Variants in HDAC4 observed in about 807,000 individuals in gnomAD.
HDAC4 encodes histone deacetylase A.
HDAC4 carries 16 observed loss-of-function variants against 135.1 expected under a neutral mutation model. The ratio of observed to expected loss-of-function variants is 0.12; its 90% CI spans 0.08 to 0.18. HDAC4 has a LOEUF of 0.18. HDAC4 is among the 10% of genes least tolerant of loss of function. The pLI is 1.00. For synonymous variants in HDAC4, 685 were observed against 653.4 expected (o/e 1.05, Z -0.74); for missense variants, 1,143 against 1,511.8 (o/e 0.76, Z 4.05).
At position 239,303,995 on chromosome 2, in the gene HDAC4, C is replaced by A. The variant is rs572927759; in HGVS notation, c.22+48683G>T. Among the ~76,000 whole-genome samples, 2 of 152,322 alleles carry A rather than the reference C, an allele frequency of 1.3e-5. No individual in the cohort carries two copies. Among genetic ancestry groups the A allele is most frequent in the South Asian group, 4.1e-4 (2 of 4,828 alleles). On this transcript the variant is annotated intron_variant, in intron 2 of 26. Transcript: ENST00000543185. The surrounding 1 kb of genome is among the most constrained non-coding windows in gnomAD (Gnocchi z 5.1). Reference sequence around the variant, plus strand: ...CTCAGCCCGCCAGGTCCTCTCGAGCCCCTGGAGTGCCCTGTGAGCCACAGC... The same window carrying A: ...CTCAGCCCGCCAGGTCCTCTCGAGCACCTGGAGTGCCCTGTGAGCCACAGC...
chr2:239,230,566 C>G (rs936239687), intron 3 of HDAC4, among the ~76,000 whole-genome samples: 1 of 152,096 alleles, frequency 6.6e-6, no homozygotes, highest in South Asian at 2.1e-4. Flanking sequence ...GAGGCCGCCA[C>G]GGCCTCTCTT....
At position 239,066,734 on chromosome 2, in the gene HDAC4, C is replaced by T; in HGVS notation, c.2991G>A (p.Leu997=). The T allele has an allele frequency of 6.2e-7, 1 of 1,614,012 alleles. No individual in the cohort carries two copies. Among genetic ancestry groups the T allele is most frequent in the Non-Finnish European group, 8.5e-7 (1 of 1,180,042 alleles). ...CDASEACVSA[L]LGNELDPLPE... ...GGGGTCTTCCTACCTCGTTTCCCAG[C>T]AAGGCAGAAACACATGCTTCCGAGG... Residue 997 remains leucine (L), a synonymous_variant, in exon 24 of 27, where the codon TTG becomes TTA. Coordinates refer to ENST00000543185, the MANE Select transcript of HDAC4 (RefSeq NM_001378414.1).
At chr2:239,194,961 C>G (rs3791574) in intron 3 of HDAC4, among the ~76,000 whole-genome samples, 2,713 of 152,284 alleles carry the variant, frequency 0.018, 68 homozygotes, top group East Asian at 0.12. Flanking sequence ...GTGCGCGTCT[C>G]CCTACGGACA....
intron 14 of HDAC4, among the ~76,000 whole-genome samples, chr2:239,111,074 C>T (rs2152797469): frequency 6.6e-6 from 1 of 152,370 alleles, no homozygotes; most frequent in South Asian, 2.1e-4. Flanking sequence ...GTCCCGGGCT[C>T]TGCTCTCGTG....
At chr2:239,125,674 A>T (rs967579000) in intron 12 of HDAC4, among the ~76,000 whole-genome samples, 4 of 152,094 alleles carry the variant, frequency 2.6e-5, no homozygotes, top group Admixed American at 6.5e-5. Flanking sequence ...CTCATCTCTT[A>T]CCTTAAAGAT....
intron 2 of HDAC4, among the ~76,000 whole-genome samples, chr2:239,263,739 C>G (rs968438043): frequency 6.6e-6 from 1 of 152,182 alleles, no homozygotes; most frequent in Non-Finnish European, 1.5e-5. Context: ...CTGAGAGACA[C>G]GGGGGCACCG....
intron 2 of HDAC4, among the ~76,000 whole-genome samples, chr2:239,311,092 CAGGCACCTAAA>C (rs1272219636): frequency 6.6e-5 from 10 of 152,212 alleles, no homozygotes; most frequent in Non-Finnish European, 1.3e-4. Context: ...CCAGCATTAA[CAGGCACCTAAA>C]AGGCCTGTGA....
chr2:239,359,066 TAA>T (rs371856046), intron 1 of HDAC4, among the ~76,000 whole-genome samples: 1 of 151,510 alleles, frequency 6.6e-6, no homozygotes, highest in Middle Eastern at 3.4e-3. Flanking sequence ...ATATTTTAAG[TAA>T]AAAAAAAGTG....
Position 239,191,225 on chromosome 2 carries a change from G to A in HDAC4, c.95-1148C>T, listed in dbSNP as rs148462901. Among the ~76,000 whole-genome samples the A allele has an allele frequency of 1.2e-3, 176 of 152,310 alleles. 1 individual carries two copies. In the East Asian group the frequency reaches 0.029, roughly 25 times the overall value. ...AGAGGGGTGTCTGGGCCAACAAGAG[G>A]GCTGCTGAGAAAACAGCTCCTCGCC... On this transcript the variant is annotated intron_variant, in intron 3 of 26. Transcript: ENST00000543185.
intron 24 of HDAC4, among the ~76,000 whole-genome samples, chr2:239,060,587 C>G (rs1310929923): frequency 2.6e-5 from 4 of 152,194 alleles, no homozygotes; most frequent in African/African-American, 9.6e-5. Flanking sequence ...AGGTCAAGGG[C>G]AACAATGCCA....
chr2:239,095,285 G>A (rs1233819534), intron 16 of HDAC4, among the ~76,000 whole-genome samples: 2 of 152,192 alleles, frequency 1.3e-5, no homozygotes, highest in African/African-American at 4.8e-5. Flanking sequence ...ACCCTGGTGG[G>A]GACACCTCAA....
intron 24 of HDAC4, among the ~76,000 whole-genome samples, chr2:239,059,844 A>T (rs2032411939): frequency 6.6e-6 from 1 of 151,986 alleles, no homozygotes; most frequent in Non-Finnish European, 1.5e-5. Flanking sequence ...CCTGCAGGAC[A>T]GTCCTCTGGG....
intron 7 of HDAC4, among the ~76,000 whole-genome samples, chr2:239,150,979 G>T (rs1037659904): frequency 4.6e-5 from 7 of 152,262 alleles, no homozygotes; most frequent in African/African-American, 1.7e-4. Flanking sequence ...AGGAAGTGTG[G>T]GCACTGCCCA....
chr2:239,360,232 T>C (rs1006419347), intron 1 of HDAC4, among the ~76,000 whole-genome samples: 1 of 152,090 alleles, frequency 6.6e-6, no homozygotes, highest in Non-Finnish European at 1.5e-5. Flanking sequence ...CCAATGGGAA[T>C]GAGGGTCATT....
At chr2:239,132,553 C>T (rs956619421) in intron 11 of HDAC4, among the ~76,000 whole-genome samples, 9 of 152,130 alleles carry the variant, frequency 5.9e-5, no homozygotes, top group African/African-American at 9.7e-5. Flanking sequence ...GGGCAGGGCA[C>T]GGTGGGCAGG....
At position 239,240,628 on chromosome 2, in the gene HDAC4, G is replaced by C. The variant is rs1032108230; in HGVS notation, c.23-3964C>G. Among the ~76,000 whole-genome samples, 3 of 152,148 alleles carry C rather than the reference G, an allele frequency of 2.0e-5. No individual in the cohort carries two copies. The East Asian group carries it at 5.8e-4, about 29-fold the overall frequency. ...GAAACCCTGCTGGACAGGGACGATC[G>C]TACTGAGTGTCCTCAAACAGCATTT... On this transcript the variant is annotated intron_variant, in intron 2 of 26. Transcript: ENST00000543185. This position sits in a 1 kb window ranked among gnomAD's most constrained non-coding sequence, Gnocchi z 4.5.
intron 1 of HDAC4, among the ~76,000 whole-genome samples, chr2:239,360,856 G>C (rs978709449): frequency 1.3e-5 from 2 of 152,212 alleles, no homozygotes; most frequent in African/African-American, 4.8e-5. Context: ...CTGGGTTGGA[G>C]TTCATCGGCA....
intron 1 of HDAC4, among the ~76,000 whole-genome samples, chr2:239,355,651 C>A (rs933933776): frequency 3.9e-5 from 6 of 152,128 alleles, no homozygotes; most frequent in Non-Finnish European, 8.8e-5. Context: ...AGGGTATTTC[C>A]CTCTTCCATA....
In HDAC4 at chr2:239,111,674, C is replaced by T; in HGVS notation, c.1830G>A (p.Leu610=). Residue 610 remains leucine (L), a synonymous_variant, in exon 14 of 27, where the codon CTG becomes CTA. Transcript: ENST00000543185. ...CCTCCATGGACGCCTGGTAGTTCCT[C>T]AGCTGGTGGATCCGCTGCTGCTCCA... ...LLLEQQRIHQ[L]RNYQASMEAA... The T allele has an allele frequency of 6.2e-7, 1 of 1,604,668 alleles. No individual in the cohort carries two copies. Among genetic ancestry groups the T allele is most frequent in the Non-Finnish European group, 8.5e-7 (1 of 1,176,296 alleles).
Sources: gnomAD v4.1 joint callset for allele counts (sites outside exome capture counted in the v4.1 genomes callset) on GRCh38, gnomAD v4.1.1 for gene constraint, Gnocchi (gnomAD v3.1) non-coding constraint, MANE v1.5 for transcripts, NCBI Gene and HGNC (gene_info 2026-07-23, HGNC 2026-07-21) for gene names.